BRD3: variants seen among roughly 807,000 people sequenced by gnomAD.
The protein encoded by BRD3 is bromodomain-containing protein 3.
A neutral mutation model predicts 66.8 loss-of-function variants in BRD3; 17 were observed. The observed-to-expected ratio is 0.25, with a 90% CI of 0.17 to 0.38. The LOEUF (loss-of-function observed/expected upper bound fraction) is 0.38, where lower values mean the gene tolerates loss of function less well. BRD3 is among the 10% of genes least tolerant of loss of function. The pLI, the probability that BRD3 is intolerant of heterozygous loss-of-function variation, is 1.00. For synonymous variants in BRD3, 421 were observed against 393.2 expected (o/e 1.07, Z -0.84); for missense variants, 713 against 956.1 (o/e 0.75, Z 3.35).
At chr9:134,042,748 C>CAT (rs201550344) in intron 7 of BRD3, among the ~76,000 whole-genome samples, 1 of 147,632 alleles carries the variant, frequency 6.8e-6, no homozygotes, top group African/African-American at 2.5e-5. Flanking sequence ...CATATATACA[C>CAT]ATATATACAC....
chr9:134,067,600 CG>C (rs1266464708), intron 1 of BRD3, among the ~76,000 whole-genome samples: 1 of 146,692 alleles, frequency 6.8e-6, no homozygotes, highest in Non-Finnish European at 1.5e-5. Context: ...GCCGGGCTGG[CG>C]CGGGGCGCGC....
intron 3 of BRD3, 24 bp from the exon 4 acceptor site, chr9:134,051,733 C>A: frequency 6.3e-7 from 1 of 1,581,242 alleles, no homozygotes; most frequent in South Asian, 1.2e-5. Context: ...GAGTCCAGGT[C>A]ACGTGTCAGG....
At position 134,045,266 on chromosome 9, in the gene BRD3, C is replaced by T. The variant is rs199673420; in HGVS notation, c.1215+27G>A. ...ATGCCCACAGCACTGAGCTGAGCAG[C>T]CCCACCCGTGCCCAGCCTCGGGTTA... On this transcript the variant is annotated intron_variant, in intron 7 of 11. Coordinates refer to ENST00000303407, the MANE Select transcript of BRD3 (RefSeq NM_007371.4). This position sits in a 1 kb window ranked among gnomAD's most constrained non-coding sequence, Gnocchi z 4.8. 3 of 1,612,114 alleles carry T rather than the reference C, an allele frequency of 1.9e-6. No individual in the cohort carries two copies. Among genetic ancestry groups the T allele is most frequent in the Non-Finnish European group, 1.7e-6 (2 of 1,179,442 alleles).
chr9:134,057,243 G>C (rs917687953), intron 1 of BRD3: 1 of 152,210 alleles, frequency 6.6e-6, no homozygotes, highest in African/African-American at 2.4e-5. Context: ...GATGGACTAC[G>C]GTCCAAATCA....
Position 134,033,017 on chromosome 9 carries a change from C to T in BRD3, c.*573G>A, listed in dbSNP as rs35741216. On this transcript the variant is annotated 3_prime_UTR_variant, in exon 12 of 12. Coordinates refer to ENST00000303407, the MANE Select transcript of BRD3 (RefSeq NM_007371.4). The surrounding 1 kb of genome is among the most constrained non-coding windows in gnomAD (Gnocchi z 5.1). Reference sequence around the variant, plus strand: ...ACCCGACCACCCCCCAAGGGCTCCACGCTCCGGGCTGGGGCTGCGATGACC... The same window carrying T: ...ACCCGACCACCCCCCAAGGGCTCCATGCTCCGGGCTGGGGCTGCGATGACC... 8.5e-3 allele frequency: 3,383 copies of T among 397,902 alleles called. 39 individuals are homozygous for T. The highest frequency in any genetic ancestry group is 0.033 in the African/African-American group (1,620 of 48,672). 24.6% of individuals were successfully genotyped at this position (397,902 alleles called of 1,614,324 possible). A position where few individuals can be genotyped will look rare whatever the true frequency, so the allele number is the denominator to read the frequency against.
Position 134,036,576 on chromosome 9 carries a change from G to C in BRD3, c.1644-252C>G, listed in dbSNP as rs780751324. ...CCCCATAGGCGTCTCAAACTCCACA[G>C]GTCAAGAAATGATCTCTGTATTCAG... On this transcript the variant is annotated intron_variant, in intron 9 of 11. Coordinates refer to ENST00000303407, the MANE Select transcript of BRD3 (RefSeq NM_007371.4). 26 of 1,610,330 alleles carry C rather than the reference G, an allele frequency of 1.6e-5. No homozygotes were observed. In the South Asian group the frequency reaches 2.7e-4, roughly 16 times the overall value.
In BRD3 at chr9:134,033,680, C is replaced by A. The variant is rs1259743046; in HGVS notation, c.2091G>T (p.Gly697=). The A allele has an allele frequency of 1.3e-6, 1 of 759,252 alleles. No homozygotes were observed. The highest frequency in any genetic ancestry group is 1.7e-5 in the African/African-American group (1 of 59,010). 47.0% of individuals were successfully genotyped at this position (759,252 alleles called of 1,614,324 possible). A position where few individuals can be genotyped will look rare whatever the true frequency, so the allele number is the denominator to read the frequency against. Residue 697 remains glycine (G), a synonymous_variant, in exon 12 of 12, where the codon GGG becomes GGT. Coordinates refer to ENST00000303407, the MANE Select transcript of BRD3 (RefSeq NM_007371.4). This position sits in a 1 kb window ranked among gnomAD's most constrained non-coding sequence, Gnocchi z 5.1. The part of the protein sequence containing the change: ...RKEKPGSAPS[G]GPSRLSSSSS... ...TGCTGCTGCTGAGCCTGGACGGGCC[C>A]CCTGAGGGTGCTGAGCCGGGCTTCT...
At position 134,060,060 on chromosome 9, in the gene BRD3, C is replaced by T. The variant is rs188523263; in HGVS notation, c.-113-6470G>A. Among the ~76,000 whole-genome samples the T allele has an allele frequency of 2.9e-3, 437 of 152,308 alleles. 6 individuals are homozygous for T. Among genetic ancestry groups the T allele is most frequent in the Admixed American group, 0.024 (372 of 15,302 alleles). On this transcript the variant is annotated intron_variant, in intron 1 of 11. Coordinates refer to ENST00000303407, the MANE Select transcript of BRD3 (RefSeq NM_007371.4). ...AGACCCTCCCTGGGGTCCACCTCCCCGGGTCTCCCACTCAGCTGCCCACAA... is the reference window on the plus strand; with the variant it reads ...AGACCCTCCCTGGGGTCCACCTCCCTGGGTCTCCCACTCAGCTGCCCACAA...
At position 134,050,447 on chromosome 9, in the gene BRD3, G is replaced by A; in HGVS notation, c.641C>T (p.Pro214Leu). The change falls in exon 5 of 12, where the codon CCC (proline) becomes CTC (leucine). Residue 214 changes from proline to leucine, a missense_variant. This residue lies in a region of BRD3 where 120 missense variants were observed against 122.8 expected (regional missense o/e 0.98). Coordinates refer to ENST00000303407, the MANE Select transcript of BRD3 (RefSeq NM_007371.4). ...AGGAGGAGGTGGGGCGGCAGCTGGG[G>A]GGACTGGGACCGACGTGACGTTTGC... ...ITANVTSVPV[P>L]PAAAPPPPAT... 6.2e-7 allele frequency: 1 copy of A among 1,612,482 alleles called. No homozygotes were observed. Among genetic ancestry groups the A allele is most frequent in the South Asian group, 1.1e-5 (1 of 90,938 alleles).
In BRD3 at chr9:134,048,319, G is replaced by A. The variant is rs779795245; in HGVS notation, c.850C>T (p.Arg284Cys). ...TCCTTCTTGGGAGGCTTGATGGGGC[G>A]GCCACCACTCTCCCGCCGGGCCACC... ...KVVARRESGG[R>C]PIKPPKKDLE... Residue 284 changes from arginine to cysteine, a missense_variant, in exon 6 of 12, where the codon CGC (arginine) becomes TGC (cysteine). By Grantham distance (180) the Arg-to-Cys change is radical. This residue lies in a region of BRD3 where 418 missense variants were observed against 609.3 expected (regional missense o/e 0.69). Transcript: ENST00000303407. 8 of 1,600,108 alleles carry A rather than the reference G, an allele frequency of 5.0e-6. No homozygotes were observed. In the Admixed American group the frequency reaches 5.0e-5, roughly 10 times the overall value.
rs979772357 is a variant in BRD3 at position 134,036,384 on chromosome 9, A to G, written c.1644-60T>C. 1.9e-6 allele frequency: 3 copies of G among 1,571,678 alleles called. No individual in the cohort carries two copies. The African/African-American group carries it at 4.1e-5, about 21-fold the overall frequency. ...CTCCGTCTACCTGCCGTGGGAGCCCACTGCACACACCCCTTCCTCCCAACA... is the reference window on the plus strand; with the variant it reads ...CTCCGTCTACCTGCCGTGGGAGCCCGCTGCACACACCCCTTCCTCCCAACA... On this transcript the variant is annotated intron_variant, in intron 9 of 11. Coordinates refer to ENST00000303407, the MANE Select transcript of BRD3 (RefSeq NM_007371.4).
At chr9:134,050,683 G>A (rs569647918) in intron 4 of BRD3, 95 bp from the exon 5 acceptor site, 63 of 1,023,032 alleles carry the variant, frequency 6.2e-5, no homozygotes, top group Non-Finnish European at 8.9e-5. Context: ...ACGGGTACCA[G>A]CTCTGTGCTG....
intron 9 of BRD3, among the ~76,000 whole-genome samples, chr9:134,037,501 G>A (rs936838241): frequency 6.6e-5 from 10 of 152,166 alleles, no homozygotes; most frequent in African/African-American, 2.4e-4. Flanking sequence ...AACCCTGGAG[G>A]CGGAGGTTGC....
intron 7 of BRD3, among the ~76,000 whole-genome samples, chr9:134,042,428 T>C (rs1467445175): frequency 6.6e-6 from 1 of 152,164 alleles, no homozygotes; most frequent in African/African-American, 2.4e-5. Flanking sequence ...ACTCCAAAAG[T>C]TGGCTTAAAA....
In BRD3 at chr9:134,036,280, G is replaced by A; in HGVS notation, c.1688C>T (p.Ser563Leu). Reference protein sequence around the residue: ...GGKQASASYDSEEEEEGLPMS... With the variant: ...GGKQASASYDLEEEEEGLPMS... ...GGGCAGGCCCTCCTCCTCTTCCTCT[G>A]AGTCGTAGGAGGCAGATGCCTGCTT... Residue 563 changes from serine to leucine, a missense_variant, in exon 10 of 12, where the codon TCA (serine) becomes TTA (leucine). Physicochemically the swap from Ser to Leu is moderately radical, Grantham distance 145 (BLOSUM62 -2). Around this residue, in one of 5 missense-constraint regions of BRD3, gnomAD observed 418 missense variants for 609.3 expected, o/e 0.69. Transcript: ENST00000303407. 1 of 1,612,658 alleles carries A rather than the reference G, an allele frequency of 6.2e-7. No individual in the cohort carries two copies. The highest frequency in any genetic ancestry group is 8.5e-7 in the Non-Finnish European group (1 of 1,179,242).
rs747210334 is a variant in BRD3, at chr9:134,033,563, A to G, written c.*27T>C. The G allele has an allele frequency of 4.1e-6, 3 of 733,904 alleles. No individual in the cohort carries two copies. The highest frequency in any genetic ancestry group is 1.7e-5 in the African/African-American group (1 of 58,432). 45.5% of individuals were successfully genotyped at this position (733,904 alleles called of 1,614,324 possible). Reference sequence around the variant, plus strand: ...CAGAGTCTCGGCGTGTGCGACATCCATCTGTCCTGTTCTGTCCGAAGCCAG... The same window carrying G: ...CAGAGTCTCGGCGTGTGCGACATCCGTCTGTCCTGTTCTGTCCGAAGCCAG... On this transcript the variant is annotated 3_prime_UTR_variant, in exon 12 of 12. Coordinates refer to ENST00000303407, the MANE Select transcript of BRD3 (RefSeq NM_007371.4). The surrounding 1 kb of genome is among the most constrained non-coding windows in gnomAD (Gnocchi z 5.1).
At chr9:134,049,565 G>C (rs1830248242) in intron 5 of BRD3, among the ~76,000 whole-genome samples, 2 of 152,242 alleles carry the variant, frequency 1.3e-5, no homozygotes, top group Admixed American at 6.5e-5. Context: ...TGGCAAATGG[G>C]ACATGCTCCA....
rs527375518 is a variant in BRD3 at position 134,060,918 on chromosome 9, T to A, written c.-114+7027A>T. Among the ~76,000 whole-genome samples, 3 of 152,296 alleles carry A rather than the reference T, an allele frequency of 2.0e-5. No individual in the cohort carries two copies. The East Asian group carries it at 5.8e-4, about 29-fold the overall frequency. On this transcript the variant is annotated intron_variant, in intron 1 of 11. Transcript: ENST00000303407. ...TCCATAGGGCACAGGAGGACCTGAA[T>A]GAAAAGCAGAAATTCAGCCCCCTTT...
chr9:134,051,910 A>G (rs1225296425), intron 3 of BRD3, among the ~76,000 whole-genome samples: 5 of 87,640 alleles, frequency 5.7e-5, no homozygotes, highest in Admixed American at 3.0e-4. Context: ...TTTTTTTTTG[A>G]GATGGAGTCT....
Sources: gnomAD v4.1 joint callset for allele counts (sites outside exome capture counted in the v4.1 genomes callset) on GRCh38, gnomAD v4.1.1 for gene constraint, gnomAD v4.1.1 regional missense constraint, Gnocchi (gnomAD v3.1) non-coding constraint, MANE v1.5 for transcripts, NCBI Gene and HGNC (gene_info 2026-07-23, HGNC 2026-07-21) for gene names.